The following BMPER variants were observed in gnomAD, a reference collection of about 807,000 sequenced individuals.
The protein encoded by BMPER is BMP-binding endothelial regulator protein.
A neutral mutation model predicts 87.3 loss-of-function variants in BMPER; 45 were observed. The observed-to-expected ratio is 0.52, with a 90% CI of 0.41 to 0.66. The LOEUF is 0.66. Among genes scored for constraint, BMPER ranks in the 30% least tolerant of loss-of-function variants. The pLI is 0.00. For synonymous variants in BMPER, 326 were observed against 316.2 expected (o/e 1.03, Z -0.33); for missense variants, 784 against 867.5 (o/e 0.90, Z 1.21).
intron 8 of BMPER, among the ~76,000 whole-genome samples, chr7:34,053,061 A>T (rs964709165): frequency 2.0e-5 from 3 of 152,018 alleles, no homozygotes; most frequent in South Asian, 2.1e-4. Flanking sequence ...GAAACATATC[A>T]CACTCCCAAT....
At chr7:33,943,982 A>T (rs1784824596) in intron 3 of BMPER, among the ~76,000 whole-genome samples, 2 of 152,192 alleles carry the variant, frequency 1.3e-5, no homozygotes, top group Admixed American at 1.3e-4. Flanking sequence ...GAAAGCACTG[A>T]CAGTTGTCAA....
intron 13 of BMPER, among the ~76,000 whole-genome samples, chr7:34,106,757 C>T (rs2127984656): frequency 6.6e-6 from 1 of 152,338 alleles, no homozygotes; most frequent in South Asian, 2.1e-4. Context: ...TTGCTCTACT[C>T]TCTACCTTGC....
intron 13 of BMPER, among the ~76,000 whole-genome samples, chr7:34,094,249 G>A (rs10261012): frequency 0.28 from 41,917 of 152,190 alleles, 6,150 homozygotes; most frequent in Middle Eastern, 0.33. Flanking sequence ...TTGGAACTTA[G>A]CAAGAGAGAC....
At chr7:33,921,761 G>A (rs756182640) in intron 2 of BMPER, 8 of 470,928 alleles carry the variant, frequency 1.7e-5, no homozygotes, top group Admixed American at 7.1e-5. Flanking sequence ...GTGACGTTAT[G>A]TTTGTTGCTT....
chr7:33,927,571 C>T (rs1784390204), intron 2 of BMPER, among the ~76,000 whole-genome samples: 1 of 152,186 alleles, frequency 6.6e-6, no homozygotes, highest in South Asian at 2.1e-4. Flanking sequence ...TGCAGTAAGT[C>T]AAGAAAGGGG....
chr7:34,006,741 G>A (rs1411143183), intron 6 of BMPER, among the ~76,000 whole-genome samples: 5 of 151,982 alleles, frequency 3.3e-5, no homozygotes, highest in African/African-American at 4.8e-5. Context: ...TCTGTGTATT[G>A]TAGTTTATCT....
intron 2 of BMPER, among the ~76,000 whole-genome samples, chr7:33,919,287 T>C (rs1488924917): frequency 1.3e-5 from 2 of 152,144 alleles, no homozygotes; most frequent in African/African-American, 4.8e-5. Flanking sequence ...TTGAGGACTT[T>C]TAGACTTTTT....
intron 13 of BMPER, among the ~76,000 whole-genome samples, chr7:34,108,215 G>A (rs1297959940): frequency 1.3e-5 from 2 of 152,132 alleles, no homozygotes; most frequent in Non-Finnish European, 2.9e-5. Context: ...TTTGTCTTTC[G>A]ATATACTGAT....
chr7:34,002,556 T>C (rs1355779288), intron 6 of BMPER, among the ~76,000 whole-genome samples: 3 of 151,852 alleles, frequency 2.0e-5, no homozygotes, highest in African/African-American at 4.8e-5. Context: ...TAACAGTGTT[T>C]TTCAAGTCTT....
chr7:34,031,238 C>T (rs544114014), intron 6 of BMPER, among the ~76,000 whole-genome samples: 5 of 152,104 alleles, frequency 3.3e-5, no homozygotes, highest in South Asian at 2.1e-4. Context: ...TTGCCTCACA[C>T]GTTAATAGGG....
chr7:33,923,653 T>C (rs1182038467), intron 2 of BMPER, among the ~76,000 whole-genome samples: 1 of 152,074 alleles, frequency 6.6e-6, no homozygotes, highest in Non-Finnish European at 1.5e-5. Context: ...TGATAGAAGG[T>C]GACCTCTGGT....
chr7:34,067,986 T>C (rs553089572), intron 11 of BMPER, among the ~76,000 whole-genome samples: 25 of 152,206 alleles, frequency 1.6e-4, no homozygotes, highest in Non-Finnish European at 3.4e-4. Context: ...AAGTCCTTGA[T>C]AAGTGATTAT....
At chr7:34,016,576 T>C (rs1335114273) in intron 6 of BMPER, among the ~76,000 whole-genome samples, 2 of 151,976 alleles carry the variant, frequency 1.3e-5, no homozygotes, top group Non-Finnish European at 2.9e-5. Context: ...CAACTTCTTT[T>C]TGTTCCTGGG....
At chr7:34,045,621 ATAAT>A (rs1291959248) in intron 6 of BMPER, among the ~76,000 whole-genome samples, 1 of 152,186 alleles carries the variant, frequency 6.6e-6, no homozygotes, top group Non-Finnish European at 1.5e-5. Context: ...TTATAATCTT[ATAAT>A]TAATTAGTGA....
At chr7:34,061,286 A>T (rs1788429634) in intron 10 of BMPER, among the ~76,000 whole-genome samples, 1 of 152,212 alleles carries the variant, frequency 6.6e-6, no homozygotes, top group South Asian at 2.1e-4. Context: ...TTCTGATATG[A>T]GTCCTGAGAA....
At chr7:33,960,055 T>TCAATCA (rs1785231460) in intron 3 of BMPER, among the ~76,000 whole-genome samples, 1 of 152,238 alleles carries the variant, frequency 6.6e-6, no homozygotes, top group Non-Finnish European at 1.5e-5. Context: ...TTATTTCATT[T>TCAATCA]CAATCACATA....
chr7:33,918,044 T>C (rs1784129664), intron 2 of BMPER, among the ~76,000 whole-genome samples: 1 of 152,192 alleles, frequency 6.6e-6, no homozygotes, highest in African/African-American at 2.4e-5. Context: ...GGTCTCACTA[T>C]CACCAGGGCT....
At chr7:33,905,841 G>GGGGGGGGGC in intron 1 of BMPER, 95 bp downstream of exon 1, 3 of 584,016 alleles carry the variant, frequency 5.1e-6, no homozygotes, top group Non-Finnish European at 6.0e-6. Context: ...GGAGGGTGGG[G>GGGGGGGGGC]AGCGCGCACC....
At chr7:34,013,699 G>A (rs1786942581) in intron 6 of BMPER, among the ~76,000 whole-genome samples, 1 of 151,828 alleles carries the variant, frequency 6.6e-6, no homozygotes, top group Admixed American at 6.6e-5. Context: ...CTTCCATCAG[G>A]AGGCACCTAA....
Sources: allele counts gnomAD v4.1 joint callset (sites outside exome capture counted in the v4.1 genomes callset), GRCh38; gene constraint gnomAD v4.1.1; transcripts MANE v1.5; gene names NCBI Gene and HGNC (gene_info 2026-07-23, HGNC 2026-07-21).